The following TNIK variants were observed in gnomAD, a reference collection of about 807,000 sequenced individuals.
TNIK encodes the protein TRAF2 and NCK-interacting protein kinase.
TNIK carries 49 observed loss-of-function variants against 191.3 expected under a neutral mutation model. The ratio of observed to expected loss-of-function variants is 0.26; its 90% CI spans 0.20 to 0.32. The LOEUF (loss-of-function observed/expected upper bound fraction) is 0.32. TNIK is among the 10% of genes least tolerant of loss of function. The pLI, the probability that TNIK is intolerant of heterozygous loss-of-function variation, is 1.00. For missense variants in TNIK, 1,155 were observed against 1,702.3 expected, an observed-to-expected ratio of 0.68 and a Z score of 5.66; for synonymous variants, 594 against 600.9, an observed-to-expected ratio of 0.99 and a Z score of 0.17.
At chr3:171,266,780 T>C (rs1422428722) in intron 2 of TNIK, among the ~76,000 whole-genome samples, 1 of 152,224 alleles carries the variant, frequency 6.6e-6, no homozygotes, top group Non-Finnish European at 1.5e-5. Flanking sequence ...TGGCCTTTCT[T>C]GAGAAACCAG....
intron 2 of TNIK, among the ~76,000 whole-genome samples, chr3:171,273,095 C>A (rs78187645): frequency 0.06 from 9,165 of 152,232 alleles, 318 homozygotes; most frequent in Middle Eastern, 0.12. Flanking sequence ...CAGGGGAGCA[C>A]CAGAGCAAGC....
intron 1 of TNIK, among the ~76,000 whole-genome samples, chr3:171,411,584 T>C (rs776977145): frequency 1.3e-5 from 2 of 152,196 alleles, no homozygotes; most frequent in Non-Finnish European, 2.9e-5. Flanking sequence ...CTCACCTTTT[T>C]ATACTGGTCT....
intron 7 of TNIK, among the ~76,000 whole-genome samples, chr3:171,179,000 AG>A (rs2108792843): frequency 6.6e-6 from 1 of 152,164 alleles, no homozygotes; most frequent in East Asian, 1.9e-4. Context: ...CACAATGTGG[AG>A]GGGGTTTTCT....
At chr3:171,350,106 T>C (rs910198853) in intron 2 of TNIK, among the ~76,000 whole-genome samples, 1 of 152,312 alleles carries the variant, frequency 6.6e-6, no homozygotes, top group Middle Eastern at 3.4e-3. Flanking sequence ...TGAATGAGAT[T>C]CTTAATTAGT....
At chr3:171,085,371 C>A in intron 24 of TNIK, 142 bp from the exon 25 acceptor site, 1 of 640,246 alleles carries the variant, frequency 1.6e-6, no homozygotes, top group African/African-American at 1.8e-5. Context: ...CTAGTCAGTG[C>A]GTGCCTGTCT....
intron 2 of TNIK, among the ~76,000 whole-genome samples, chr3:171,273,566 T>C (rs34552404): frequency 0.18 from 26,621 of 152,052 alleles, 2,510 homozygotes; most frequent in African/African-American, 0.19. Context: ...GAAGGTATTT[T>C]CACGCATGGA....
chr3:171,090,858 G>A (rs1721972602), intron 23 of TNIK, among the ~76,000 whole-genome samples: 1 of 152,148 alleles, frequency 6.6e-6, no homozygotes. Context: ...TGTTAGAGTG[G>A]TATGTTCTTA....
At chr3:171,156,889 C>A (rs1353886622) in intron 12 of TNIK, among the ~76,000 whole-genome samples, 1 of 152,232 alleles carries the variant, frequency 6.6e-6, no homozygotes, top group African/African-American at 2.4e-5. Flanking sequence ...TTCCACTTAT[C>A]TGCTTATTCA....
chr3:171,430,066 C>T (rs760423224), intron 1 of TNIK, among the ~76,000 whole-genome samples: 9 of 152,082 alleles, frequency 5.9e-5, no homozygotes, highest in Non-Finnish European at 1.2e-4. Flanking sequence ...TCACAAGCTC[C>T]CCAGGTAAGG....
chr3:171,431,704 T>C (rs1381867508), intron 1 of TNIK, among the ~76,000 whole-genome samples: 3 of 152,228 alleles, frequency 2.0e-5, no homozygotes, highest in Non-Finnish European at 4.4e-5. Flanking sequence ...CCTATGAAAT[T>C]GGTAAAATCA....
At chr3:171,186,060 C>A (rs565383857) in intron 7 of TNIK, among the ~76,000 whole-genome samples, 67 of 152,282 alleles carry the variant, frequency 4.4e-4, no homozygotes, top group Admixed American at 2.0e-3. Context: ...CTCAAATGAA[C>A]CTTCTATCAG....
chr3:171,178,021 G>T (rs1365510532), intron 7 of TNIK, among the ~76,000 whole-genome samples: 9 of 152,186 alleles, frequency 5.9e-5, no homozygotes, highest in Non-Finnish European at 1.2e-4. Flanking sequence ...CACCCATGTT[G>T]TAGTACATAT....
intron 2 of TNIK, among the ~76,000 whole-genome samples, chr3:171,278,299 T>C (rs1288005498): frequency 6.6e-6 from 1 of 152,168 alleles, no homozygotes; most frequent in African/African-American, 2.4e-5. Flanking sequence ...TGTCTTTTAA[T>C]TGCTACATGC....
At chr3:171,347,324 G>A in intron 2 of TNIK, 1 of 1,191,534 alleles carries the variant, frequency 8.4e-7, no homozygotes, top group Non-Finnish European at 1.2e-6. Context: ...GTTCTAAGTA[G>A]CATCTAGATG....
At chr3:171,081,256 A>G (rs2108362583) in intron 27 of TNIK, among the ~76,000 whole-genome samples, 1 of 152,252 alleles carries the variant, frequency 6.6e-6, no homozygotes, top group South Asian at 2.1e-4. Flanking sequence ...ATTCAGTGGA[A>G]AGGTAAAAGA....
At chr3:171,097,957 A>G (rs1268715435) in intron 22 of TNIK, among the ~76,000 whole-genome samples, 1 of 152,116 alleles carries the variant, frequency 6.6e-6, no homozygotes, top group Non-Finnish European at 1.5e-5. Flanking sequence ...CCATGAATCT[A>G]TACTGATATA....
intron 23 of TNIK, among the ~76,000 whole-genome samples, chr3:171,088,047 C>G (rs776756353): frequency 1.3e-4 from 20 of 152,170 alleles, no homozygotes; most frequent in Admixed American, 2.6e-4. Flanking sequence ...TCAGATCTGA[C>G]AGGAGTTCCA....
At chr3:171,310,403 G>A (rs1753893289) in intron 2 of TNIK, among the ~76,000 whole-genome samples, 1 of 152,022 alleles carries the variant, frequency 6.6e-6, no homozygotes, top group South Asian at 2.1e-4. Flanking sequence ...AATTTTAGGG[G>A]AAATTTTTCT....
chr3:171,253,059 G>A (rs1479469955), intron 2 of TNIK, among the ~76,000 whole-genome samples: 17 of 151,798 alleles, frequency 1.1e-4, no homozygotes, highest in Admixed American at 9.2e-4. Context: ...AGTGGATCAC[G>A]AGGTCAGGAG....
Sources: allele counts gnomAD v4.1 joint callset (sites outside exome capture counted in the v4.1 genomes callset), GRCh38; gene constraint gnomAD v4.1.1; transcripts MANE v1.5; gene names NCBI Gene and HGNC (gene_info 2026-07-23, HGNC 2026-07-21).